CNBD1: variants seen among roughly 807,000 people sequenced by gnomAD.
The protein encoded by CNBD1 is cyclic nucleotide-binding domain-containing protein 1.
CNBD1 carries 71 observed loss-of-function variants against 54.4 expected under a neutral mutation model. The ratio of observed to expected loss-of-function variants is 1.30; its 90% CI spans 1.08 to 1.59. CNBD1 has a LOEUF of 1.59. CNBD1 is among the 40% of genes most tolerant of loss of function. The probability of loss-of-function intolerance (pLI) is 0.00; values close to 1 mark genes in which losing one functional copy is unlikely to be tolerated. For missense variants in CNBD1, 659 were observed against 518.0 expected (o/e 1.27, Z -2.64); for synonymous variants, 182 against 170.7 (o/e 1.07, Z -0.51).
At chr8:87,139,732 A>G (rs1299248014) in intron 4 of CNBD1, among the ~76,000 whole-genome samples, 1 of 152,162 alleles carries the variant, frequency 6.6e-6, no homozygotes, top group African/African-American at 2.4e-5. Context: ...GGAAAAATTG[A>G]TGCCAGCAAA....
At chr8:87,321,693 G>T (rs181246345) in intron 8 of CNBD1, among the ~76,000 whole-genome samples, 1 of 151,642 alleles carries the variant, frequency 6.6e-6, no homozygotes, top group Non-Finnish European at 1.5e-5. Flanking sequence ...TTTTTAATTT[G>T]ATATAATCTC....
intron 4 of CNBD1, among the ~76,000 whole-genome samples, chr8:87,022,437 C>T (rs183842214): frequency 1.3e-5 from 2 of 152,250 alleles, no homozygotes; most frequent in Admixed American, 6.5e-5. Flanking sequence ...ATACAATTTA[C>T]TGTGGAGAAC....
intron 4 of CNBD1, among the ~76,000 whole-genome samples, chr8:87,069,024 T>C (rs1475001127): frequency 6.6e-6 from 1 of 152,026 alleles, no homozygotes; most frequent in Non-Finnish European, 1.5e-5. Context: ...AATAGAGATA[T>C]GGTTGAGGTG....
chr8:87,121,717 C>A (rs1207685941), intron 4 of CNBD1, among the ~76,000 whole-genome samples: 1 of 151,686 alleles, frequency 6.6e-6, no homozygotes, highest in Non-Finnish European at 1.5e-5. Context: ...TTCTCTACTT[C>A]TATGAGTTCA....
At chr8:86,952,789 A>G (rs1391299572) in intron 4 of CNBD1, among the ~76,000 whole-genome samples, 26 of 152,138 alleles carry the variant, frequency 1.7e-4, no homozygotes. Flanking sequence ...GGTATAAACC[A>G]TCACCGCAAT....
rs869060076 is a variant in CNBD1, at chr8:86,894,035, A to ATTTTTTTTTTTTTTTTTTTTTTTTTT, written c.158+6436_158+6461dup. On this transcript the variant is annotated intron_variant, in intron 2 of 10. Transcript: ENST00000518476. ...TTTATTCATATATTTTAATAGATTA[A>ATTTTTTTTTTTTTTTTTTTTTTTTTT]TTTTTTTTTTTTTTTTTTTTTTTTT... Among the ~76,000 whole-genome samples, 2 of 52,342 alleles carry ATTTTTTTTTTTTTTTTTTTTTTTTTT rather than the reference A, an allele frequency of 3.8e-5. 1 individual carries two copies. The highest frequency in any genetic ancestry group is 7.1e-5 in the Non-Finnish European group (2 of 28,064). 34.3% of individuals were successfully genotyped at this position (52,342 alleles called of 152,430 possible). A position where few individuals can be genotyped will look rare whatever the true frequency, so the allele number is the denominator to read the frequency against.
At chr8:86,996,115 T>C (rs1808864815) in intron 4 of CNBD1, among the ~76,000 whole-genome samples, 1 of 152,154 alleles carries the variant, frequency 6.6e-6, no homozygotes, top group South Asian at 2.1e-4. Flanking sequence ...AGGATCAGCT[T>C]CTCCTGTTTA....
intron 4 of CNBD1, among the ~76,000 whole-genome samples, chr8:86,993,880 A>T (rs979137505): frequency 2.6e-5 from 4 of 152,206 alleles, no homozygotes; most frequent in African/African-American, 9.6e-5. Flanking sequence ...TGACCTCATC[A>T]CTATGTCTGC....
At chr8:86,880,230 T>TAAC (rs1159564878) in intron 1 of CNBD1, among the ~76,000 whole-genome samples, 3 of 76,176 alleles carry the variant, frequency 3.9e-5, no homozygotes, top group African/African-American at 7.0e-5. Context: ...GACTTCTGAT[T>TAAC]AACGATCCTT....
At chr8:86,880,999 A>C (rs1250297805) in intron 1 of CNBD1, among the ~76,000 whole-genome samples, 1 of 152,220 alleles carries the variant, frequency 6.6e-6, no homozygotes, top group African/African-American at 2.4e-5. Context: ...AAAACTCTCA[A>C]TAAACTAGAT....
intron 8 of CNBD1, among the ~76,000 whole-genome samples, chr8:87,327,484 A>C (rs1308502003): frequency 6.6e-6 from 1 of 152,194 alleles, no homozygotes; most frequent in Non-Finnish European, 1.5e-5. Context: ...ACTCCGAACC[A>C]GGTGTGGGAT....
At chr8:87,288,810 C>T (rs1193050058) in intron 8 of CNBD1, among the ~76,000 whole-genome samples, 4 of 151,994 alleles carry the variant, frequency 2.6e-5, no homozygotes, top group South Asian at 2.1e-4. Context: ...ATGTGTGGTA[C>T]TTTCATAGTT....
intron 4 of CNBD1, among the ~76,000 whole-genome samples, chr8:87,143,535 A>G (rs1269189526): frequency 6.6e-6 from 1 of 152,260 alleles, no homozygotes; most frequent in Admixed American, 6.5e-5. Context: ...TAAAGAATGT[A>G]AAGTAATCCT....
chr8:87,313,050 A>G (rs1809302416), intron 8 of CNBD1, among the ~76,000 whole-genome samples: 1 of 151,936 alleles, frequency 6.6e-6, no homozygotes, highest in Admixed American at 6.6e-5. Flanking sequence ...GGGTAGTACC[A>G]TTTTCTGATG....
Position 87,245,446 on chromosome 8 carries a change from C to T in CNBD1, c.771+8334C>T, listed in dbSNP as rs138456770. Among the ~76,000 whole-genome samples the T allele has an allele frequency of 3.2e-3, 459 of 144,630 alleles. 2 individuals carry two copies. Among genetic ancestry groups the T allele is most frequent in the African/African-American group, 0.011 (437 of 38,710 alleles). 94.9% of individuals were successfully genotyped at this position (144,630 alleles called of 152,430 possible). On this transcript the variant is annotated intron_variant, in intron 6 of 10. Coordinates refer to ENST00000518476, the MANE Select transcript of CNBD1 (RefSeq NM_173538.3). ...CATTTCAGAAACATACACTTAAATA[C>T]AATTGAAGCTTTTGTTTCTTTACAT...
intron 1 of CNBD1, among the ~76,000 whole-genome samples, chr8:86,874,367 G>T (rs1399705199): frequency 6.6e-6 from 1 of 152,062 alleles, no homozygotes; most frequent in African/African-American, 2.4e-5. Context: ...AGACATCTTT[G>T]TCAGCAATAT....
chr8:87,016,325 T>C (rs1241785391), intron 4 of CNBD1, among the ~76,000 whole-genome samples: 1 of 151,914 alleles, frequency 6.6e-6, no homozygotes, highest in East Asian at 1.9e-4. Context: ...TAAAATAAGC[T>C]TTTGTTAAAA....
In CNBD1 at chr8:87,348,773, ATTC is replaced by A. The variant is rs148866232; in HGVS notation, c.1043-2906_1043-2904del. Among the ~76,000 whole-genome samples the A allele has an allele frequency of 7.2e-5, 11 of 152,304 alleles. No individual in the cohort carries two copies. The East Asian group carries it at 1.7e-3, about 24-fold the overall frequency. ...TGATGCTAATAGCCAGTAGGGAATT[ATTC>A]TTCTTATCGTAACTTCTTCTGGCTT... is the stretch of plus-strand genomic sequence containing the variant. On this transcript the variant is annotated intron_variant, in intron 8 of 10. Coordinates refer to ENST00000518476, the MANE Select transcript of CNBD1 (RefSeq NM_173538.3).
At chr8:86,960,288 T>C (rs778778814) in intron 4 of CNBD1, among the ~76,000 whole-genome samples, 2 of 152,106 alleles carry the variant, frequency 1.3e-5, no homozygotes, top group Non-Finnish European at 2.9e-5. Context: ...CCCACTCTAA[T>C]ACTGCACTTT....
Sources: allele counts gnomAD v4.1 joint callset (sites outside exome capture counted in the v4.1 genomes callset), GRCh38; gene constraint gnomAD v4.1.1; transcripts MANE v1.5; gene names NCBI Gene and HGNC (gene_info 2026-07-23, HGNC 2026-07-21).